The following CAPN7 variants were observed in gnomAD, a reference collection of about 807,000 sequenced individuals.
CAPN7 encodes calpain 7.
CAPN7 carries 72 observed loss-of-function variants against 115.2 expected under a neutral mutation model. That is an observed-to-expected ratio of 0.63 (90% CI 0.52 to 0.76). The LOEUF (loss-of-function observed/expected upper bound fraction) is 0.76. Among genes scored for constraint, CAPN7 ranks in the 30% least tolerant of loss-of-function variants. CAPN7 has a pLI of 0.00. For synonymous variants in CAPN7, 344 were observed against 322.3 expected, an observed-to-expected ratio of 1.07 and a Z score of -0.72; for missense variants, 905 against 971.5, an observed-to-expected ratio of 0.93 and a Z score of 0.91.
At chr3:15,239,566 A>G (rs951065433) in intron 12 of CAPN7, among the ~76,000 whole-genome samples, 1 of 152,244 alleles carries the variant, frequency 6.6e-6, no homozygotes, top group Admixed American at 6.5e-5. Flanking sequence ...AGGAAACAGT[A>G]TAAGATAGGA....
chr3:15,236,977 T>G (rs1330840197), intron 12 of CAPN7, among the ~76,000 whole-genome samples: 1 of 152,178 alleles, frequency 6.6e-6, no homozygotes, highest in East Asian at 1.9e-4. Flanking sequence ...ATAAAAATAT[T>G]TTTTTCTTCA....
Position 15,217,596 on chromosome 3 carries a change from CA to C in CAPN7, c.369+17del. On this transcript the variant is annotated intron_variant, in intron 3 of 20. Transcript: ENST00000253693. The stretch of plus-strand genomic sequence containing the variant: ...TGTCTGAAAACAGTGTGTATAGCTA[CA>C]AATTACGTTTGATGAGTTATGCCAA... 6.3e-7 allele frequency: 1 copy of C among 1,595,688 alleles called. No homozygotes were observed.
rs200845708 is a variant in CAPN7 at position 15,251,295 on chromosome 3, C to A, written c.*35C>A. On this transcript the variant is annotated 3_prime_UTR_variant, in exon 21 of 21. Transcript: ENST00000253693. ...CTCAAGTTACTGGCTTTTATACTTACCAAACATCAGTTCTTCAAATAAGGA... is the reference window on the plus strand; with the variant it reads ...CTCAAGTTACTGGCTTTTATACTTAACAAACATCAGTTCTTCAAATAAGGA... The A allele has an allele frequency of 7.2e-6, 11 of 1,526,648 alleles. No individual in the cohort carries two copies. The highest frequency in any genetic ancestry group is 4.4e-5 in the Admixed American group (2 of 45,484). 94.6% of individuals were successfully genotyped at this position (1,526,648 alleles called of 1,614,324 possible).
rs1056051226 is a variant in CAPN7, at chr3:15,206,380, T to G, written c.-116T>G. On this transcript the variant is annotated 5_prime_UTR_variant, in exon 1 of 21. Coordinates refer to ENST00000253693, the MANE Select transcript of CAPN7 (RefSeq NM_014296.3). ...TCTCCTCCACCGTCCAAAGTAAACTTTGCCGCTCCTTCCGCGGCGCTCCCG... is the reference window on the plus strand; with the variant it reads ...TCTCCTCCACCGTCCAAAGTAAACTGTGCCGCTCCTTCCGCGGCGCTCCCG... The G allele has an allele frequency of 4.2e-6, 3 of 721,070 alleles. No homozygotes were observed. Among genetic ancestry groups the G allele is most frequent in the Non-Finnish European group, 4.6e-6 (2 of 434,292 alleles). The allele number at this position is 721,070 out of a possible 1,614,324, so 44.7% of individuals were successfully genotyped here.
intron 11 of CAPN7, 85 bp from the exon 12 acceptor site, chr3:15,234,940 G>C: frequency 8.2e-7 from 1 of 1,222,604 alleles, no homozygotes; most frequent in Non-Finnish European, 1.1e-6. Flanking sequence ...TTTCATGTAA[G>C]CCATTAGACT....
chr3:15,217,602 AC>A lies in CAPN7; in HGVS notation c.369+21del, dbSNP rs1693713164. The A allele has an allele frequency of 6.3e-7, 1 of 1,591,344 alleles. No individual in the cohort carries two copies. Among genetic ancestry groups the A allele is most frequent in the Non-Finnish European group, 8.6e-7 (1 of 1,168,344 alleles). On this transcript the variant is annotated intron_variant, in intron 3 of 20. Coordinates refer to ENST00000253693, the MANE Select transcript of CAPN7 (RefSeq NM_014296.3). The stretch of plus-strand genomic sequence containing the variant: ...AAAACAGTGTGTATAGCTACAAATT[AC>A]GTTTGATGAGTTATGCCAAACCATT...
At chr3:15,234,092 G>C (rs1018591877) in intron 11 of CAPN7, 119 bp downstream of exon 11, 10 of 552,446 alleles carry the variant, frequency 1.8e-5, no homozygotes, top group Non-Finnish European at 3.2e-5. Context: ...AAGGCAGGCA[G>C]ATGACCTGAG....
chr3:15,249,442 G>T (rs1412558371), intron 19 of CAPN7, among the ~76,000 whole-genome samples: 1 of 152,112 alleles, frequency 6.6e-6, no homozygotes, highest in African/African-American at 2.4e-5. Context: ...TTAAAATAAT[G>T]AATCTGTCTT....
At chr3:15,241,740 G>A (rs371786129) in intron 15 of CAPN7, 152 bp downstream of exon 15, 113 of 637,926 alleles carry the variant, frequency 1.8e-4, no homozygotes, top group Non-Finnish European at 4.4e-5. Flanking sequence ...TTCCTCTAAG[G>A]AAATTTGTAT....
intron 2 of CAPN7, among the ~76,000 whole-genome samples, chr3:15,217,065 C>A (rs1223122250): frequency 6.8e-6 from 1 of 146,714 alleles, no homozygotes. Flanking sequence ...TGGCAAAACC[C>A]CATCTCTACA....
intron 2 of CAPN7, among the ~76,000 whole-genome samples, chr3:15,214,916 G>C (rs1055244858): frequency 6.6e-6 from 1 of 152,192 alleles, no homozygotes; most frequent in African/African-American, 2.4e-5. Flanking sequence ...CTGCTGGGTG[G>C]CAAGGAATAT....
intron 1 of CAPN7, among the ~76,000 whole-genome samples, chr3:15,207,448 A>C (rs192181606): frequency 8.9e-4 from 136 of 152,290 alleles, no homozygotes; most frequent in African/African-American, 2.9e-3. Flanking sequence ...TAAGCAGTGT[A>C]CCCTTAGGCT....
chr3:15,223,457 TTTTCTCGTG>T lies in CAPN7; in HGVS notation c.639-14_639-6del. The T allele has an allele frequency of 6.5e-7, 1 of 1,526,894 alleles. No individual in the cohort carries two copies. The highest frequency in any genetic ancestry group is 9.1e-7 in the Non-Finnish European group (1 of 1,102,102). 94.6% of individuals were successfully genotyped at this position (1,526,894 alleles called of 1,614,324 possible). A position where few individuals can be genotyped will look rare whatever the true frequency, so the allele number is the denominator to read the frequency against. ...AAGGTAAACTTGAACATTTAGGTTT[TTTTCTCGTG>T]TTTGATAGGACAACATCAAAAATAA... On this transcript the variant is annotated splice_polypyrimidine_tract_variant and intron_variant, in intron 5 of 20. Transcript: ENST00000253693.
chr3:15,240,587 G>T lies in CAPN7; in HGVS notation c.1522G>T (p.Asp508Tyr). Residue 508 changes from aspartate to tyrosine, a missense_variant, in exon 13 of 21, where the codon GAT (aspartate) becomes TAT (tyrosine). This residue lies in a region of CAPN7 where 620 missense variants were observed against 703.4 expected (regional missense o/e 0.88). Transcript: ENST00000253693. ...TPELQKYLNF[D>Y]PRTAQKIDNG... ...AGAGTTGCAAAAGTATTTAAACTTT[G>T]ATCCCCGAACAGCTCAGAAAATAGA... 1.2e-6 allele frequency: 2 copies of T among 1,611,826 alleles called. No individual in the cohort carries two copies. Among genetic ancestry groups the T allele is most frequent in the Non-Finnish European group, 8.5e-7 (1 of 1,179,402 alleles).
intron 6 of CAPN7, among the ~76,000 whole-genome samples, chr3:15,224,051 A>T (rs996337522): frequency 2.6e-5 from 4 of 152,212 alleles, no homozygotes; most frequent in Non-Finnish European, 5.9e-5. Context: ...AGTCATCGTA[A>T]GGAAATCAAC....
chr3:15,234,844 A>AAGAG lies in CAPN7; in HGVS notation c.1287-179_1287-176dup, dbSNP rs112560619. ...AATTAAGTTGCCAGAAACTTAAAAAAAGAGAAATGTGATAATTTATTTTAT... is the reference window on the plus strand; with the variant it reads ...AATTAAGTTGCCAGAAACTTAAAAAAAGAGAGAGAAATGTGATAATTTATTTTAT... On this transcript the variant is annotated intron_variant, in intron 11 of 20. Transcript: ENST00000253693. Among the ~76,000 whole-genome samples the AAGAG allele has an allele frequency of 1.9e-3, 291 of 152,114 alleles. 2 individuals carry two copies. Among genetic ancestry groups the AAGAG allele is most frequent in the African/African-American group, 6.6e-3 (272 of 41,352 alleles).
At chr3:15,246,458 T>G in intron 17 of CAPN7, 1 of 384,482 alleles carries the variant, frequency 2.6e-6, no homozygotes, top group African/African-American at 2.1e-5. Flanking sequence ...AAAGGGACAT[T>G]GGGAGCTGCT....
intron 4 of CAPN7, among the ~76,000 whole-genome samples, chr3:15,219,820 G>A (rs1693857404): frequency 6.6e-6 from 1 of 152,222 alleles, no homozygotes; most frequent in African/African-American, 2.4e-5. Flanking sequence ...ATGTGAGGCT[G>A]TCTGTGATCC....
chr3:15,211,059 GGAA>G (rs1397412046), intron 1 of CAPN7: 1 of 467,396 alleles, frequency 2.1e-6, no homozygotes, highest in Non-Finnish European at 2.8e-6. Flanking sequence ...TGGAATAACT[GGAA>G]GAAGAATCCA....
Sources: allele counts gnomAD v4.1 joint callset (sites outside exome capture counted in the v4.1 genomes callset), GRCh38; gene constraint gnomAD v4.1.1; regional missense constraint gnomAD v4.1.1; transcripts MANE v1.5; gene names NCBI Gene and HGNC (gene_info 2026-07-23, HGNC 2026-07-21).